The following GNG7 variants were observed in gnomAD, a reference collection of about 807,000 sequenced individuals.
The protein encoded by GNG7 is G protein subunit gamma 7.
A neutral mutation model predicts 4.0 loss-of-function variants in GNG7; 1 was observed. The observed-to-expected ratio is 0.25, with a 90% CI of 0.09 to 1.18. GNG7 has a LOEUF of 1.18. Ranked by LOEUF, GNG7 falls within the 50% of genes most tolerant of loss-of-function variation. The pLI, the probability that GNG7 is intolerant of heterozygous loss-of-function variation, is 0.50. For synonymous variants in GNG7, 34 were observed against 36.9 expected (o/e 0.92, Z 0.29); for missense variants, 86 against 91.9 (o/e 0.94, Z 0.26).
At chr19:2,536,850 G>T (rs550630690) in intron 3 of GNG7, among the ~76,000 whole-genome samples, 1 of 152,026 alleles carries the variant, frequency 6.6e-6, no homozygotes, top group Non-Finnish European at 1.5e-5. Flanking sequence ...TTGGCCTTGG[G>T]GTACAGTCTG....
chr19:2,528,639 A>G (rs533233682), intron 3 of GNG7, among the ~76,000 whole-genome samples: 1 of 152,240 alleles, frequency 6.6e-6, no homozygotes, highest in Non-Finnish European at 1.5e-5. Context: ...GTTGCATTTG[A>G]AGGGAGTGAG....
intron 2 of GNG7, among the ~76,000 whole-genome samples, chr19:2,563,712 C>T (rs1428692315): frequency 6.6e-6 from 1 of 151,976 alleles, no homozygotes; most frequent in Non-Finnish European, 1.5e-5. Flanking sequence ...GAACTCCTGA[C>T]CTCAAGTGAT....
At chr19:2,582,133 C>A (rs1395662557) in intron 2 of GNG7, among the ~76,000 whole-genome samples, 1 of 152,110 alleles carries the variant, frequency 6.6e-6, no homozygotes, top group East Asian at 1.9e-4. Flanking sequence ...GATCCTGGAT[C>A]AGATCATGGA....
rs898432770 is a variant in GNG7 at position 2,611,350 on chromosome 19, A to T, written c.-78+34874T>A. On this transcript the variant is annotated intron_variant, in intron 2 of 4. Coordinates refer to ENST00000382159, the MANE Select transcript of GNG7 (RefSeq NM_052847.3). The surrounding 1 kb of genome is among the most constrained non-coding windows in gnomAD (Gnocchi z 6.0). Reference sequence around the variant, plus strand: ...CTGGAGCCAGGACAGGTCTCCCGGGAGCTGGTCTGTGCTGCCACCTGCTGG... The same window carrying T: ...CTGGAGCCAGGACAGGTCTCCCGGGTGCTGGTCTGTGCTGCCACCTGCTGG... 2 of 152,164 alleles carry T rather than the reference A, an allele frequency of 1.3e-5. No homozygotes were observed. Among genetic ancestry groups the T allele is most frequent in the African/African-American group, 4.8e-5 (2 of 41,380 alleles). 9.4% of individuals were successfully genotyped at this position (152,164 alleles called of 1,614,324 possible). A position where few individuals can be genotyped will look rare whatever the true frequency, so the allele number is the denominator to read the frequency against.
chr19:2,523,095 G>C (rs569892251), intron 3 of GNG7, among the ~76,000 whole-genome samples: 2 of 151,722 alleles, frequency 1.3e-5, no homozygotes, highest in African/African-American at 4.8e-5. Flanking sequence ...TCAAACTCCT[G>C]GCCTCAAGTG....
intron 2 of GNG7, among the ~76,000 whole-genome samples, chr19:2,586,184 G>T (rs549878483): frequency 6.6e-6 from 1 of 152,298 alleles, no homozygotes; most frequent in South Asian, 2.1e-4. Flanking sequence ...GCACAGTCTT[G>T]CAGCCGTCTT....
chr19:2,650,892 C>T (rs1419245398), intron 1 of GNG7, among the ~76,000 whole-genome samples: 1 of 152,180 alleles, frequency 6.6e-6, no homozygotes, highest in African/African-American at 2.4e-5. Flanking sequence ...CAGAAACTGC[C>T]GAGCTGGGGC....
At chr19:2,673,258 AAAAAAAAAAC>A (rs1462467349) in intron 1 of GNG7, among the ~76,000 whole-genome samples, 1 of 97,544 alleles carries the variant, frequency 1.0e-5, no homozygotes, top group Non-Finnish European at 2.0e-5. Flanking sequence ...ATTCCATCTC[AAAAAAAAAAC>A]AAAACAAAAC....
At chr19:2,695,047 G>A (rs1476580242) in intron 1 of GNG7, among the ~76,000 whole-genome samples, 2 of 152,074 alleles carry the variant, frequency 1.3e-5, no homozygotes, top group Non-Finnish European at 2.9e-5. Flanking sequence ...ATGGTGGCGT[G>A]CATCTGTAGT....
chr19:2,644,739 T>C (rs1267979215), intron 2 of GNG7, among the ~76,000 whole-genome samples: 2 of 152,166 alleles, frequency 1.3e-5, no homozygotes, highest in East Asian at 3.9e-4. Flanking sequence ...CTTTTGTGTC[T>C]GGCATCTCTT....
At chr19:2,596,670 C>G (rs1568256968) in intron 2 of GNG7, among the ~76,000 whole-genome samples, 1 of 150,686 alleles carries the variant, frequency 6.6e-6, no homozygotes, top group Non-Finnish European at 1.5e-5. Flanking sequence ...CCCTGTCCCC[C>G]CCCCAAAAAA....
At position 2,585,783 on chromosome 19, in the gene GNG7, C is replaced by G. The variant is rs531690719; in HGVS notation, c.-77-30595G>C. ...TGGCGCGATCTCGGCTCACTGTAAC[C>G]TCCGCCTCCCGGGTTCACGCCATTC... On this transcript the variant is annotated intron_variant, in intron 2 of 4. Coordinates refer to ENST00000382159, the MANE Select transcript of GNG7 (RefSeq NM_052847.3). Among the ~76,000 whole-genome samples the G allele has an allele frequency of 1.2e-3, 186 of 152,272 alleles. 2 individuals are homozygous for G. The highest frequency in any genetic ancestry group is 4.3e-3 in the African/African-American group (178 of 41,554).
chr19:2,616,521 A>T (rs972186928), intron 2 of GNG7, among the ~76,000 whole-genome samples: 2 of 152,142 alleles, frequency 1.3e-5, no homozygotes, highest in African/African-American at 4.8e-5. Flanking sequence ...TCATGCCTAT[A>T]ATCCCAGCAC....
intron 1 of GNG7, among the ~76,000 whole-genome samples, chr19:2,687,831 C>T (rs1011807483): frequency 6.6e-6 from 1 of 151,520 alleles, no homozygotes; most frequent in Non-Finnish European, 1.5e-5. Context: ...AAAAATTAGC[C>T]GGGCAAGGTG....
Position 2,511,789 on chromosome 19 carries a change from T to G in GNG7, c.*3233A>C. 6 of 986,008 alleles carry G rather than the reference T, an allele frequency of 6.1e-6. No individual in the cohort carries two copies. The highest frequency in any genetic ancestry group is 7.2e-6 in the Non-Finnish European group (6 of 830,052). The allele number at this position is 986,008 out of a possible 1,614,324, so 61.1% of individuals were successfully genotyped here. A position where few individuals can be genotyped will look rare whatever the true frequency, so the allele number is the denominator to read the frequency against. On this transcript the variant is annotated 3_prime_UTR_variant, in exon 5 of 5. Coordinates refer to ENST00000382159, the MANE Select transcript of GNG7 (RefSeq NM_052847.3). The surrounding 1 kb of genome is among the most constrained non-coding windows in gnomAD (Gnocchi z 6.3). ...CGCCCTGGCCCAGCCGCCCCGTTTA[T>G]GTCCCCAGAGGCCAGAGGTCGCAGC... is the stretch of plus-strand genomic sequence containing the variant.
intron 1 of GNG7, among the ~76,000 whole-genome samples, chr19:2,670,986 G>A (rs1312048723): frequency 1.3e-5 from 2 of 152,116 alleles, no homozygotes; most frequent in African/African-American, 2.4e-5. Flanking sequence ...CCAGGAGCTG[G>A]GGGTCCCCCT....
chr19:2,644,373 ATATATAT>A (rs1982607040), intron 2 of GNG7, among the ~76,000 whole-genome samples: 7 of 127,180 alleles, frequency 5.5e-5, no homozygotes, highest in South Asian at 2.4e-4. Context: ...ATATATATAT[ATATATAT>A]AATGCTCTAT....
chr19:2,619,568 T>C (rs1326983254), intron 2 of GNG7, among the ~76,000 whole-genome samples: 3 of 152,308 alleles, frequency 2.0e-5, no homozygotes, highest in South Asian at 2.1e-4. Context: ...AACGCCACCA[T>C]GGAGCAGGAC....
chr19:2,625,133 A>G (rs1367284024), intron 2 of GNG7, among the ~76,000 whole-genome samples: 1 of 152,140 alleles, frequency 6.6e-6, no homozygotes, highest in Non-Finnish European at 1.5e-5. Context: ...CAGTGGTGCG[A>G]TCTCAGCTCA....
Sources: gnomAD v4.1 joint callset for allele counts (sites outside exome capture counted in the v4.1 genomes callset) on GRCh38, gnomAD v4.1.1 for gene constraint, Gnocchi (gnomAD v3.1) non-coding constraint, MANE v1.5 for transcripts, NCBI Gene and HGNC (gene_info 2026-07-23, HGNC 2026-07-21) for gene names.